MYO16: variants seen among roughly 807,000 people sequenced by gnomAD.
MYO16 encodes the protein myosin XVI.
Under a neutral mutation model 205.3 loss-of-function variants are expected in MYO16, and 94 were observed. The observed-to-expected ratio is 0.46, with a 90% CI of 0.39 to 0.54. The LOEUF (loss-of-function observed/expected upper bound fraction) is 0.54. Among genes scored for constraint, MYO16 ranks in the 20% least tolerant of loss-of-function variants. MYO16 has a pLI of 0.00. For synonymous variants in MYO16, 988 were observed against 954.0 expected (o/e 1.04, Z -0.66); for missense variants, 2,315 against 2,387.5 (o/e 0.97, Z 0.63).
At chr13:109,106,385 A>G (rs901912041) in intron 28 of MYO16, among the ~76,000 whole-genome samples, 6 of 152,214 alleles carry the variant, frequency 3.9e-5, no homozygotes, top group African/African-American at 1.4e-4. Flanking sequence ...GGAACTGTGT[A>G]TAGTTAATCA....
intron 27 of MYO16, among the ~76,000 whole-genome samples, chr13:109,064,673 C>T (rs1307020329): frequency 6.6e-6 from 1 of 152,062 alleles, no homozygotes; most frequent in African/African-American, 2.4e-5. Context: ...AGGATATGCT[C>T]TTCCTGAGTC....
At position 109,113,944 on chromosome 13, in the gene MYO16, G is replaced by T. The variant is rs577217745; in HGVS notation, c.3439-6426G>T. On this transcript the variant is annotated intron_variant, in intron 28 of 34. Transcript: ENST00000457511. Reference sequence around the variant, plus strand: ...GTGCACAAGGAGATGGGCTCCATAGGTATGGACTCGGGGATAAGATGAGCT... The same window carrying T: ...GTGCACAAGGAGATGGGCTCCATAGTTATGGACTCGGGGATAAGATGAGCT... 7.9e-5 allele frequency among the ~76,000 whole-genome samples: 12 copies of T among 152,304 alleles called. No homozygotes were observed. The South Asian group carries it at 2.1e-3, about 26-fold the overall frequency.
intron 27 of MYO16, among the ~76,000 whole-genome samples, chr13:109,057,643 T>G (rs1241793613): frequency 6.6e-6 from 1 of 152,128 alleles, no homozygotes. Flanking sequence ...TGTTAAGAGC[T>G]GATATTTCTT....
chr13:108,905,518 A>C (rs1305128153), intron 15 of MYO16, among the ~76,000 whole-genome samples: 2 of 152,166 alleles, frequency 1.3e-5, no homozygotes, highest in African/African-American at 2.4e-5. Flanking sequence ...TAGATATTCA[A>C]AATGGAGTCA....
Position 109,206,787 on chromosome 13 carries a change from G to A in MYO16, c.5594G>A (p.Gly1865Glu), listed in dbSNP as rs763217650. 1 of 1,614,118 alleles carries A rather than the reference G, an allele frequency of 6.2e-7. No individual in the cohort carries two copies. Among genetic ancestry groups the A allele is most frequent in the Non-Finnish European group, 8.5e-7 (1 of 1,180,008 alleles). The change falls in exon 35 of 35, where the codon GGG (glycine) becomes GAG (glutamate). Residue 1865 changes from glycine to glutamate, a missense_variant. By Grantham distance (98) the Gly-to-Glu change is moderately conservative. Coordinates refer to ENST00000457511, the MANE Select transcript of MYO16 (RefSeq NM_001198950.3). The part of the protein sequence containing the change: ...KKPSLLKKPE[G>E]ASCNRLPSEL... Reference sequence around the variant, plus strand: ...CCCAGCCTTCTGAAGAAGCCGGAAGGGGCCTCCTGCAACAGGCTGCCGTCT... The same window carrying A: ...CCCAGCCTTCTGAAGAAGCCGGAAGAGGCCTCCTGCAACAGGCTGCCGTCT...
At position 109,140,391 on chromosome 13, in the gene MYO16, CG is replaced by C; in HGVS notation, c.4183del (p.Asp1395ThrfsTer15). On this transcript the variant is annotated frameshift_variant, in exon 32 of 35. Coordinates refer to ENST00000457511, the MANE Select transcript of MYO16 (RefSeq NM_001198950.3). LOFTEE classifies it high-confidence loss of function. The surrounding 1 kb of genome is among the most constrained non-coding windows in gnomAD (Gnocchi z 8.0). The part of the protein sequence containing the change: ...SYEEISGSRP[G>X]DARPAGAPGA... ...ACGAGGAGATATCGGGGTCCCGGCC[CG>C]GGGACGCGAGGCCCGCGGGCGCCCC... 2 of 1,595,494 alleles carry C rather than the reference CG, an allele frequency of 1.3e-6. No individual in the cohort carries two copies. The highest frequency in any genetic ancestry group is 1.4e-5 in the African/African-American group (1 of 73,930).
At chr13:108,923,579 A>G (rs927626614) in intron 16 of MYO16, among the ~76,000 whole-genome samples, 1 of 152,220 alleles carries the variant, frequency 6.6e-6, no homozygotes, top group Non-Finnish European at 1.5e-5. Flanking sequence ...CCCGCTGGCC[A>G]GCGCCTCACT....
At chr13:108,898,265 T>A in intron 15 of MYO16, 132 bp downstream of exon 15, 1 of 715,456 alleles carries the variant, frequency 1.4e-6, no homozygotes, top group Non-Finnish European at 2.4e-6. Context: ...CATGACCGTG[T>A]CTGGAAACAG....
chr13:108,804,666 A>T (rs1274541461), intron 6 of MYO16, among the ~76,000 whole-genome samples: 1 of 152,198 alleles, frequency 6.6e-6, no homozygotes, highest in African/African-American at 2.4e-5. Flanking sequence ...TTGTATTATG[A>T]TAATTGAAAA....
At chr13:109,107,091 C>T (rs1260755532) in intron 28 of MYO16, among the ~76,000 whole-genome samples, 4 of 152,150 alleles carry the variant, frequency 2.6e-5, no homozygotes, top group South Asian at 2.1e-4. Flanking sequence ...CGGCATGATA[C>T]GATACTTACT....
intron 4 of MYO16, among the ~76,000 whole-genome samples, chr13:108,767,395 C>T (rs570486599): frequency 6.6e-6 from 1 of 152,280 alleles, no homozygotes; most frequent in East Asian, 1.9e-4. Flanking sequence ...AGCCACTGCG[C>T]CTGGCTGTAT....
chr13:109,016,278 T>C (rs934046169), intron 22 of MYO16, among the ~76,000 whole-genome samples: 4 of 152,186 alleles, frequency 2.6e-5, no homozygotes, highest in African/African-American at 9.7e-5. Context: ...CGGTTTTGAG[T>C]GAGTTTCTTA....
intron 1 of MYO16, among the ~76,000 whole-genome samples, chr13:108,635,837 G>A (rs1259641013): frequency 6.6e-6 from 1 of 152,086 alleles, no homozygotes; most frequent in East Asian, 1.9e-4. Flanking sequence ...TGTTTTGGGT[G>A]TTGGATGGCA....
At chr13:108,998,921 C>A (rs537008672) in intron 21 of MYO16, among the ~76,000 whole-genome samples, 6 of 152,158 alleles carry the variant, frequency 3.9e-5, no homozygotes, top group African/African-American at 1.4e-4. Flanking sequence ...GAAACACATG[C>A]GGAAGCTGGA....
intron 4 of MYO16, among the ~76,000 whole-genome samples, chr13:108,752,350 T>G (rs1885262777): frequency 6.6e-6 from 1 of 152,154 alleles, no homozygotes; most frequent in African/African-American, 2.4e-5. Flanking sequence ...ATATAAACAG[T>G]CACCTACAAG....
At chr13:109,080,476 C>G (rs1349845244) in intron 27 of MYO16, among the ~76,000 whole-genome samples, 2 of 151,744 alleles carry the variant, frequency 1.3e-5, no homozygotes, top group African/African-American at 4.8e-5. Context: ...TATTCTTTTT[C>G]TTAGGAATAT....
intron 16 of MYO16, among the ~76,000 whole-genome samples, chr13:108,948,493 C>T (rs1038185846): frequency 9.2e-5 from 14 of 152,198 alleles, no homozygotes; most frequent in Admixed American, 2.6e-4. Context: ...TTGTTTCATG[C>T]GCGCTGATCT....
At chr13:108,831,075 C>A (rs907282437) in intron 9 of MYO16, among the ~76,000 whole-genome samples, 1 of 152,110 alleles carries the variant, frequency 6.6e-6, no homozygotes, top group African/African-American at 2.4e-5. Context: ...GATCTCGGGG[C>A]AGTTTTATAG....
At chr13:109,142,454 G>T (rs976283447) in intron 32 of MYO16, among the ~76,000 whole-genome samples, 1 of 151,476 alleles carries the variant, frequency 6.6e-6, no homozygotes, top group African/African-American at 2.4e-5. Context: ...GCCCTTTCAT[G>T]TCGACTCCCT....
Sources: gnomAD v4.1 joint callset for allele counts (sites outside exome capture counted in the v4.1 genomes callset) on GRCh38, gnomAD v4.1.1 for gene constraint, Gnocchi (gnomAD v3.1) non-coding constraint, MANE v1.5 for transcripts, NCBI Gene and HGNC (gene_info 2026-07-23, HGNC 2026-07-21) for gene names.